The following YY1 variants were observed in gnomAD, a reference collection of about 807,000 sequenced individuals.
YY1 encodes the protein YY1 transcription factor, also known as transcriptional repressor protein YY1.
Under a neutral mutation model 35.6 loss-of-function variants are expected in YY1, and 2 were observed. That is an observed-to-expected ratio of 0.06 (90% confidence interval 0.02 to 0.18). The LOEUF (loss-of-function observed/expected upper bound fraction) is 0.18. YY1 is among the 10% of genes least tolerant of loss of function. The pLI is 1.00. For missense variants in YY1, 322 were observed against 573.4 expected, an observed-to-expected ratio of 0.56 and a Z score of 4.48; for synonymous variants, 268 against 238.9, an observed-to-expected ratio of 1.12 and a Z score of -1.12.
chr14:100,246,741 CCT>C (rs1385800480), intron 1 of YY1, among the ~76,000 whole-genome samples: 3 of 152,172 alleles, frequency 2.0e-5, no homozygotes, highest in Non-Finnish European at 4.4e-5. Flanking sequence ...GTTTGCCATT[CCT>C]CTGTGGGTTT....
intron 1 of YY1, among the ~76,000 whole-genome samples, chr14:100,254,087 C>T (rs371326954): frequency 2.8e-4 from 43 of 152,000 alleles, no homozygotes; most frequent in African/African-American, 9.6e-4. Context: ...CCACCCGCCT[C>T]GGCCTCTCAA....
chr14:100,277,358 T>A lies in YY1; in HGVS notation c.1063-60T>A. 6.3e-7 allele frequency: 1 copy of A among 1,598,922 alleles called. No individual in the cohort carries two copies. Among genetic ancestry groups the A allele is most frequent in the Non-Finnish European group, 8.6e-7 (1 of 1,166,498 alleles). On this transcript the variant is annotated intron_variant, in intron 4 of 4. Coordinates refer to ENST00000262238, the MANE Select transcript of YY1 (RefSeq NM_003403.5). This position sits in a 1 kb window ranked among gnomAD's most constrained non-coding sequence, Gnocchi z 5.6. Reference sequence around the variant, plus strand: ...GTTCTCTAGCAAAGCAGTGAGCTCCTGACTCCCAGGGTCTGGTCAGAGTTG... The same window carrying A: ...GTTCTCTAGCAAAGCAGTGAGCTCCAGACTCCCAGGGTCTGGTCAGAGTTG...
intron 2 of YY1, among the ~76,000 whole-genome samples, chr14:100,267,355 C>T (rs144249588): frequency 3.3e-5 from 5 of 152,214 alleles, no homozygotes; most frequent in Non-Finnish European, 5.9e-5. Context: ...TTTGCATAAT[C>T]ACAATATGAA....
intron 1 of YY1, among the ~76,000 whole-genome samples, chr14:100,246,199 AT>A (rs1273140090): frequency 3.3e-5 from 5 of 152,258 alleles, no homozygotes; most frequent in Admixed American, 6.5e-5. Context: ...CCCCGTTTCC[AT>A]TTCCATACAT....
chr14:100,271,116 G>A (rs533714496), intron 2 of YY1, among the ~76,000 whole-genome samples: 14 of 151,942 alleles, frequency 9.2e-5, no homozygotes, highest in African/African-American at 3.1e-4. Context: ...GCATAGTGGC[G>A]GACACCTGTA....
chr14:100,249,616 A>G (rs540981049), intron 1 of YY1, among the ~76,000 whole-genome samples: 4 of 152,102 alleles, frequency 2.6e-5, no homozygotes, highest in Non-Finnish European at 4.4e-5. Flanking sequence ...CCAAAATACT[A>G]TTTTGGTCTA....
At position 100,239,745 on chromosome 14, in the gene YY1, G is replaced by C. The variant is rs769992635; in HGVS notation, c.501G>C (p.Ser167=). 6.3e-6 allele frequency: 10 copies of C among 1,587,624 alleles called. No individual in the cohort carries two copies. The highest frequency in any genetic ancestry group is 5.6e-5 in the South Asian group (5 of 89,530). ...GCGGCGGCGGCGGCTCGTCGTCGTC[G>C]GGAGGCGGCCGCGTCAAGAAGGGCG... ...GKSGGGGSSS[S]GGGRVKKGGG... The change falls in exon 1 of 5, where the codon TCG becomes TCC. Residue 167 remains serine (S), a synonymous_variant. Coordinates refer to ENST00000262238, the MANE Select transcript of YY1 (RefSeq NM_003403.5).
At chr14:100,242,824 C>T (rs1225718696) in intron 1 of YY1, among the ~76,000 whole-genome samples, 1 of 152,132 alleles carries the variant, frequency 6.6e-6, no homozygotes, top group Non-Finnish European at 1.5e-5. Flanking sequence ...TCTTGGCTCA[C>T]TGCAACCTTC....
intron 1 of YY1, among the ~76,000 whole-genome samples, chr14:100,255,178 C>G (rs367799792): frequency 3.5e-4 from 53 of 152,006 alleles, no homozygotes; most frequent in African/African-American, 1.2e-3. Flanking sequence ...TTGTAGGAAA[C>G]ACTGTTTTTT....
chr14:100,257,696 T>G (rs1358289600), intron 1 of YY1, among the ~76,000 whole-genome samples: 3 of 152,316 alleles, frequency 2.0e-5, no homozygotes, highest in African/African-American at 7.2e-5. Flanking sequence ...TGCTGGCACC[T>G]TGATCTTGGA....
At chr14:100,246,113 C>G (rs1349439733) in intron 1 of YY1, among the ~76,000 whole-genome samples, 2 of 152,202 alleles carry the variant, frequency 1.3e-5, no homozygotes, top group Non-Finnish European at 1.5e-5. Flanking sequence ...GCAGAAGTTG[C>G]ATTGCCATGT....
chr14:100,260,454 C>CAA lies in YY1; in HGVS notation c.680-1849_680-1848insAA, dbSNP rs1178495094. On this transcript the variant is annotated intron_variant, in intron 1 of 4. Coordinates refer to ENST00000262238, the MANE Select transcript of YY1 (RefSeq NM_003403.5). Reference sequence around the variant, plus strand: ...ATATATATATATATATATACACACACACACACATATATGTATTTTTTTTTT... The same window carrying CAA: ...ATATATATATATATATATACACACACAAACACACATATATGTATTTTTTTTTT... 1.0e-2 allele frequency among the ~76,000 whole-genome samples: 1,394 copies of CAA among 139,628 alleles called. 18 individuals are homozygous for CAA. The highest frequency in any genetic ancestry group is 0.037 in the African/African-American group (1,340 of 36,528). The allele number at this position is 139,628 out of a possible 152,430, so 91.6% of individuals were successfully genotyped here.
intron 1 of YY1, among the ~76,000 whole-genome samples, chr14:100,244,324 T>C (rs1336049998): frequency 7.5e-5 from 4 of 53,264 alleles, no homozygotes; most frequent in East Asian, 1.2e-3. Context: ...TTTTTACTTT[T>C]TTTTTTTTTT....
Position 100,262,469 on chromosome 14 carries a change from A to G in YY1, c.842+3A>G, listed in dbSNP as rs1891097854. On this transcript the variant is annotated splice_donor_region_variant and intron_variant, in intron 2 of 4. Coordinates refer to ENST00000262238, the MANE Select transcript of YY1 (RefSeq NM_003403.5). ...AAACAACTGGCAGAATTTGCTAGGT[A>G]AGTTATAAGAACTTTCCTTTCTTTT... The G allele has an allele frequency of 6.2e-7, 1 of 1,614,010 alleles. No individual in the cohort carries two copies. Among genetic ancestry groups the G allele is most frequent in the Non-Finnish European group, 8.5e-7 (1 of 1,179,944 alleles).
intron 1 of YY1, among the ~76,000 whole-genome samples, chr14:100,241,941 C>T (rs1052640872): frequency 2.1e-5 from 3 of 142,988 alleles, no homozygotes; most frequent in Non-Finnish European, 4.5e-5. Flanking sequence ...CACCACTACA[C>T]TCCAGCCTGG....
At chr14:100,241,913 A>T (rs1348906451) in intron 1 of YY1, among the ~76,000 whole-genome samples, 1 of 144,300 alleles carries the variant, frequency 6.9e-6, no homozygotes, top group Non-Finnish European at 1.5e-5. Flanking sequence ...GGCAGAGGTT[A>T]ACAGTGAGCC....
At chr14:100,251,891 G>A (rs946223411) in intron 1 of YY1, among the ~76,000 whole-genome samples, 4 of 152,112 alleles carry the variant, frequency 2.6e-5, no homozygotes, top group African/African-American at 9.7e-5. Context: ...GCCTCCCAAA[G>A]TGCTGGGATT....
intron 2 of YY1, among the ~76,000 whole-genome samples, chr14:100,271,808 C>CT (rs1355072277): frequency 6.6e-6 from 1 of 152,094 alleles, no homozygotes; most frequent in Non-Finnish European, 1.5e-5. Context: ...CCACGCCTGG[C>CT]TAACTTTTTA....
In YY1 at chr14:100,239,577, G is replaced by A. The variant is rs749216909; in HGVS notation, c.333G>A (p.Glu111=). 3 of 1,612,592 alleles carry A rather than the reference G, an allele frequency of 1.9e-6. No individual in the cohort carries two copies. Among genetic ancestry groups the A allele is most frequent in the Admixed American group, 1.7e-5 (1 of 59,974 alleles). ...TGATCCTGGTGCAGACGCGCGAGGA[G>A]GTGGTGGGCGGCGACGACTCGGACG... ...QEVILVQTRE[E]VVGGDDSDGL... Residue 111 remains glutamate (E), a synonymous_variant, in exon 1 of 5, where the codon GAG becomes GAA. Coordinates refer to ENST00000262238, the MANE Select transcript of YY1 (RefSeq NM_003403.5).
Sources: gnomAD v4.1 joint callset for allele counts (sites outside exome capture counted in the v4.1 genomes callset) on GRCh38, gnomAD v4.1.1 for gene constraint, Gnocchi (gnomAD v3.1) non-coding constraint, MANE v1.5 for transcripts, NCBI Gene and HGNC (gene_info 2026-07-23, HGNC 2026-07-21) for gene names.